The following PDE1C variants were observed in gnomAD, a reference collection of about 807,000 sequenced individuals.
PDE1C encodes the protein phosphodiesterase 1C, also known as dual specificity calcium/calmodulin-dependent 3',5'-cyclic nucleotide phosphodiesterase 1C.
In PDE1C, 62 loss-of-function variants were observed where a neutral mutation model predicts 93.1. That is an observed-to-expected ratio of 0.67 (90% CI 0.54 to 0.82). The LOEUF is 0.82. Among genes scored for constraint, PDE1C ranks in the 40% least tolerant of loss-of-function variants. The pLI is 0.00. For missense variants in PDE1C, 742 were observed against 884.6 expected, an observed-to-expected ratio of 0.84 and a Z score of 2.04; for synonymous variants, 325 against 310.1, an observed-to-expected ratio of 1.05 and a Z score of -0.50.
At chr7:31,658,511 TTA>T in the PDE1C span, 1 of 858,796 alleles carries the variant, frequency 1.2e-6, no homozygotes, top group South Asian at 4.3e-5. Context: ...AGAAAAAGTT[TTA>T]GAGTGTTTTC....
At chr7:31,734,550 G>A in the PDE1C span, among the ~76,000 whole-genome samples, 11 of 152,260 alleles carry the variant, frequency 7.2e-5, no homozygotes, top group South Asian at 8.3e-4. Flanking sequence ...GACTCCATGT[G>A]AACTAGTATT....
the PDE1C span, among the ~76,000 whole-genome samples, chr7:31,645,424 G>A: frequency 6.6e-6 from 1 of 152,264 alleles, no homozygotes; most frequent in South Asian, 2.1e-4. Context: ...AGTGAGAGTT[G>A]AACAGGTAAG....
intron 1 of PDE1C, among the ~76,000 whole-genome samples, chr7:32,246,025 G>A (rs11772510): frequency 0.44 from 62,209 of 142,514 alleles, 14,406 homozygotes; most frequent in African/African-American, 0.62. Flanking sequence ...ATTGGAGTAC[G>A]TGGTGCAATC....
At chr7:31,733,155 C>T in the PDE1C span, among the ~76,000 whole-genome samples, 1 of 152,180 alleles carries the variant, frequency 6.6e-6, no homozygotes, top group South Asian at 2.1e-4. Context: ...GTTGTTACCT[C>T]TCAAATGGAT....
chr7:31,652,026 G>A, the PDE1C span: 1 of 1,601,526 alleles, frequency 6.2e-7, no homozygotes, highest in South Asian at 1.1e-5. Context: ...ACCGGGCTCA[G>A]CAAATCAGAG....
chr7:31,994,653 C>A (rs964642399), intron 2 of PDE1C, among the ~76,000 whole-genome samples: 4 of 152,146 alleles, frequency 2.6e-5, no homozygotes, highest in Non-Finnish European at 4.4e-5. Context: ...TTTCCACTCT[C>A]CCTCAGTCAT....
At chr7:31,739,013 C>A in the PDE1C span, among the ~76,000 whole-genome samples, 15 of 151,124 alleles carry the variant, frequency 9.9e-5, no homozygotes, top group East Asian at 2.8e-3. Context: ...CCCTGCCCCC[C>A]ACATATACAT....
At chr7:32,345,500 A>C (rs564129440) in intron 1 of PDE1C, among the ~76,000 whole-genome samples, 58 of 152,336 alleles carry the variant, frequency 3.8e-4, no homozygotes, top group Non-Finnish European at 7.1e-4. Context: ...GAATTTATAA[A>C]TTGGACTTCA....
chr7:31,741,873 A>G, the PDE1C span, among the ~76,000 whole-genome samples: 3 of 152,204 alleles, frequency 2.0e-5, no homozygotes, highest in Non-Finnish European at 4.4e-5. Context: ...ATGTGCCCCA[A>G]TTCTCTTCCT....
intron 2 of PDE1C, among the ~76,000 whole-genome samples, chr7:31,896,145 T>C (rs1453020135): frequency 6.6e-6 from 1 of 152,110 alleles, no homozygotes; most frequent in Non-Finnish European, 1.5e-5. Flanking sequence ...CTGGCCCTGC[T>C]ATATGTACAG....
chr7:32,257,589 G>A (rs1407882780), intron 1 of PDE1C, among the ~76,000 whole-genome samples: 2 of 152,186 alleles, frequency 1.3e-5, no homozygotes, highest in African/African-American at 2.4e-5. Context: ...CTGGCACCTT[G>A]TAATTATTCT....
intron 2 of PDE1C, among the ~76,000 whole-genome samples, chr7:31,951,513 C>T (rs1233992126): frequency 6.6e-6 from 1 of 152,138 alleles, no homozygotes; most frequent in Non-Finnish European, 1.5e-5. Flanking sequence ...TCTGAGCAAT[C>T]AGGCAAAAGA....
intron 2 of PDE1C, among the ~76,000 whole-genome samples, chr7:32,183,272 A>G (rs904262509): frequency 4.6e-5 from 7 of 152,222 alleles, no homozygotes; most frequent in Admixed American, 3.3e-4. Context: ...GCTACCAATG[A>G]CTTTCTTCAC....
the PDE1C span, among the ~76,000 whole-genome samples, chr7:31,743,517 T>A: frequency 6.6e-6 from 1 of 151,772 alleles, no homozygotes; most frequent in Non-Finnish European, 1.5e-5. Context: ...ACTGAAGTCA[T>A]AAAACCACAT....
At chr7:32,183,364 C>A (rs1803581480) in intron 2 of PDE1C, among the ~76,000 whole-genome samples, 1 of 152,122 alleles carries the variant, frequency 6.6e-6, no homozygotes, top group African/African-American at 2.4e-5. Context: ...GCCAAAAGAA[C>A]AAAGCTGGAG....
At chr7:31,825,648 G>A (rs893780254) in intron 12 of PDE1C, among the ~76,000 whole-genome samples, 3 of 152,134 alleles carry the variant, frequency 2.0e-5, no homozygotes, top group Non-Finnish European at 4.4e-5. Context: ...AGCAGGAAGG[G>A]AGAAGGATGA....
At chr7:31,828,260 G>A in intron 12 of PDE1C, 32 bp downstream of exon 12, 1 of 1,572,240 alleles carries the variant, frequency 6.4e-7, no homozygotes, top group Non-Finnish European at 8.7e-7. Context: ...TCCTGCTTTG[G>A]TGCTTCTATC....
chr7:32,056,081 A>G (rs1794038044), intron 1 of PDE1C, among the ~76,000 whole-genome samples: 2 of 152,112 alleles, frequency 1.3e-5, no homozygotes, highest in Admixed American at 1.3e-4. Context: ...ACTTGAAACA[A>G]CACACTACAA....
chr7:31,986,468 A>G (rs533851552), intron 2 of PDE1C, among the ~76,000 whole-genome samples: 1 of 152,234 alleles, frequency 6.6e-6, no homozygotes, highest in South Asian at 2.1e-4. Flanking sequence ...TGGTGGGGAC[A>G]TTTTTTTAAC....
Sources: allele counts gnomAD v4.1 joint callset (sites outside exome capture counted in the v4.1 genomes callset), GRCh38; gene constraint gnomAD v4.1.1; transcripts MANE v1.5; gene names NCBI Gene and HGNC (gene_info 2026-07-23, HGNC 2026-07-21).